Variants in HAUS5 observed in about 807,000 individuals in gnomAD.
The protein encoded by HAUS5 is HAUS augmin like complex subunit 5.
A neutral mutation model predicts 94.1 loss-of-function variants in HAUS5; 67 were observed. The observed-to-expected ratio is 0.71, with a 90% CI of 0.58 to 0.87. The LOEUF (loss-of-function observed/expected upper bound fraction) is 0.87, where lower values mean the gene tolerates loss of function less well. Among genes scored for constraint, HAUS5 ranks in the 40% least tolerant of loss-of-function variants. The pLI is 0.00. For missense variants in HAUS5, 739 were observed against 825.6 expected (o/e 0.90, Z 1.29); for synonymous variants, 339 against 355.4 (o/e 0.95, Z 0.52).
In HAUS5 at chr19:35,620,267, C is replaced by T; in HGVS notation, c.1591C>T (p.Leu531Phe). ...DLLLLQDQRS[L>F]WCWDLLHMKT... is the part of the protein sequence containing the mutation. Reference sequence around the variant, plus strand: ...TCTGCTCCTGCAGGACCAGCGGAGCCTCTGGTGCTGGGATCTACTCCACAT... The same window carrying T: ...TCTGCTCCTGCAGGACCAGCGGAGCTTCTGGTGCTGGGATCTACTCCACAT... Residue 531 changes from leucine to phenylalanine, a missense_variant, in exon 17 of 19, where the codon CTC becomes TTC. Transcript: ENST00000203166. 1 of 1,613,816 alleles carries T rather than the reference C, an allele frequency of 6.2e-7. No homozygotes were observed. Among genetic ancestry groups the T allele is most frequent in the Non-Finnish European group, 8.5e-7 (1 of 1,179,932 alleles).
At chr19:35,614,097 A>G in intron 4 of HAUS5, 38 bp downstream of exon 4, 2 of 1,595,514 alleles carry the variant, frequency 1.3e-6, no homozygotes, top group South Asian at 1.1e-5. Flanking sequence ...TTTCATCCGA[A>G]AAATGACTTG....
In HAUS5 at chr19:35,612,850, G is replaced by A. The variant is rs773390316; in HGVS notation, c.56G>A (p.Gly19Glu). The A allele has an allele frequency of 3.1e-5, 48 of 1,547,732 alleles. No individual in the cohort carries two copies. Among genetic ancestry groups the A allele is most frequent in the Non-Finnish European group, 4.1e-5 (47 of 1,145,756 alleles). ...ELGCWAVEEM[G>E]VPVAARAPES... is the part of the protein sequence containing the mutation. ...GGTTGCTGGGCGGTCGAAGAGATGGGGGTGCCCGTGGCGGCCCGGGCCCCG... is the reference window on the plus strand; with the variant it reads ...GGTTGCTGGGCGGTCGAAGAGATGGAGGTGCCCGTGGCGGCCCGGGCCCCG... The change falls in exon 1 of 19, where the codon GGG becomes GAG. Residue 19 changes from glycine to glutamate, a missense_variant. Gly to Glu is a moderately conservative substitution (Grantham distance 98). Coordinates refer to ENST00000203166, the MANE Select transcript of HAUS5 (RefSeq NM_015302.2).
At position 35,620,209 on chromosome 19, in the gene HAUS5, C is replaced by T. The variant is rs771826162; in HGVS notation, c.1533C>T (p.Leu511=). Residue 511 remains leucine (L), a synonymous_variant, in exon 17 of 19, where the codon CTC becomes CTT. Coordinates refer to ENST00000203166, the MANE Select transcript of HAUS5 (RefSeq NM_015302.2). ...TCCTCCTCCAGGCCTCGGAGCTGCT[C>T]CTGCCGGCGGCTGCCTCTCTTCGCC... ...GLPPGKASEL[L]LPAAASLRQD... is the part of the protein sequence containing the mutation. 8 of 1,613,650 alleles carry T rather than the reference C, an allele frequency of 5.0e-6. No individual in the cohort carries two copies. Among genetic ancestry groups the T allele is most frequent in the Non-Finnish European group, 6.8e-6 (8 of 1,179,878 alleles).
At position 35,619,447 on chromosome 19, in the gene HAUS5, C is replaced by T. The variant is rs201376113; in HGVS notation, c.1203C>T (p.Arg401=). ...AGGAGGAGACCCAGGAACAGGTCCG[C>T]CTGCTCATCAAGGGAAACTCGGCCA... ...QLVEETQEQV[R]LLIKGNSASK... is the part of the protein sequence containing the mutation. The change falls in exon 14 of 19, where the codon CGC becomes CGT. Residue 401 remains arginine, a synonymous_variant. Coordinates refer to ENST00000203166, the MANE Select transcript of HAUS5 (RefSeq NM_015302.2). The T allele has an allele frequency of 1.1e-4, 174 of 1,605,132 alleles. No individual in the cohort carries two copies. Among genetic ancestry groups the T allele is most frequent in the Middle Eastern group, 1.7e-4 (1 of 6,036 alleles).
In HAUS5 at chr19:35,623,108, G is replaced by A. The variant is rs777922073; in HGVS notation, c.*115G>A. The A allele has an allele frequency of 2.4e-5, 17 of 713,332 alleles. No individual in the cohort carries two copies. The highest frequency in any genetic ancestry group is 2.3e-4 in the African/African-American group (13 of 56,512). 44.2% of individuals were successfully genotyped at this position (713,332 alleles called of 1,614,324 possible). A position where few individuals can be genotyped will look rare whatever the true frequency, so the allele number is the denominator to read the frequency against. On this transcript the variant is annotated 3_prime_UTR_variant, in exon 19 of 19. Transcript: ENST00000203166. ...GATTCCTCGGCAGTCGTCCCCACCC[G>A]CACCTGCAGTCCCCTCATGTGCTGT...
At position 35,619,030 on chromosome 19, in the gene HAUS5, T is replaced by C; in HGVS notation, c.1160T>C (p.Leu387Pro). The change falls in exon 13 of 19, where the codon CTG becomes CCG. Residue 387 changes from leucine to proline, a missense_variant. Coordinates refer to ENST00000203166, the MANE Select transcript of HAUS5 (RefSeq NM_015302.2). ...RELQAKQQRILHWRQLVEETQ... is the reference protein window; with the variant it reads ...RELQAKQQRIPHWRQLVEETQ... Reference sequence around the variant, plus strand: ...CTACAGGCCAAACAGCAGCGGATCCTGCACTGGCGCCAGCTGGTGGTGAGA... The same window carrying C: ...CTACAGGCCAAACAGCAGCGGATCCCGCACTGGCGCCAGCTGGTGGTGAGA... 6.3e-7 allele frequency: 1 copy of C among 1,597,852 alleles called. No homozygotes were observed. Among genetic ancestry groups the C allele is most frequent in the Non-Finnish European group, 8.5e-7 (1 of 1,172,976 alleles).
intron 17 of HAUS5, 72 bp from the exon 18 acceptor site, chr19:35,622,529 T>C (rs1967225644): frequency 6.6e-7 from 1 of 1,512,894 alleles, no homozygotes; most frequent in Non-Finnish European, 9.0e-7. Context: ...ACTGGAGAAT[T>C]GGGGACTCAT....
chr19:35,620,942 C>G (rs1457803541), intron 17 of HAUS5, among the ~76,000 whole-genome samples: 3 of 152,158 alleles, frequency 2.0e-5, no homozygotes, highest in Admixed American at 1.3e-4. Context: ...TTTAAGAACC[C>G]CAGTTTACAG....
rs1486984102 is a variant in HAUS5, at chr19:35,615,154, C to T, written c.325+7C>T. Reference sequence around the variant, plus strand: ...CGAGACACTGAGGCTCAGGGTGAGCCATGGGGCCAGAAGATGGGCACCAGA... The same window carrying T: ...CGAGACACTGAGGCTCAGGGTGAGCTATGGGGCCAGAAGATGGGCACCAGA... On this transcript the variant is annotated splice_region_variant and intron_variant, in intron 5 of 18. Coordinates refer to ENST00000203166, the MANE Select transcript of HAUS5 (RefSeq NM_015302.2). 1 of 1,610,808 alleles carries T rather than the reference C, an allele frequency of 6.2e-7. No individual in the cohort carries two copies. Among genetic ancestry groups the T allele is most frequent in the African/African-American group, 1.3e-5 (1 of 75,000 alleles).
Position 35,615,233 on chromosome 19 carries a change from C to T in HAUS5, c.332C>T (p.Ala111Val), listed in dbSNP as rs2071931433. ...MERDTEAQDTAMEQARQHTQD... is the reference protein window; with the variant it reads ...MERDTEAQDTVMEQARQHTQD... ...ACCCCTGTTCCTCCCACAGACACGGCCATGGAGCAGGCACGTCAGCACACT... is the reference window on the plus strand; with the variant it reads ...ACCCCTGTTCCTCCCACAGACACGGTCATGGAGCAGGCACGTCAGCACACT... The change falls in exon 6 of 19, where the codon GCC becomes GTC. Residue 111 changes from alanine (A) to valine (V), a missense_variant. Coordinates refer to ENST00000203166, the MANE Select transcript of HAUS5 (RefSeq NM_015302.2). The T allele has an allele frequency of 1.2e-6, 2 of 1,613,916 alleles. No individual in the cohort carries two copies. The highest frequency in any genetic ancestry group is 1.7e-6 in the Non-Finnish European group (2 of 1,179,922).
At chr19:35,619,789 G>T (rs777182147) in intron 15 of HAUS5, 31 bp downstream of exon 15, 2 of 1,515,988 alleles carry the variant, frequency 1.3e-6, no homozygotes, top group Non-Finnish European at 8.8e-7. Flanking sequence ...CCCCTGCCCT[G>T]CATCCCCTGC....
intron 8 of HAUS5, 68 bp downstream of exon 8, chr19:35,617,437 T>A: frequency 9.7e-7 from 1 of 1,032,832 alleles, no homozygotes; most frequent in Non-Finnish European, 1.5e-6. Context: ...TCTTATTTAT[T>A]AATTCCTCAG....
intron 8 of HAUS5, 130 bp from the exon 9 acceptor site, chr19:35,617,724 GT>G: frequency 1.3e-6 from 1 of 787,570 alleles, no homozygotes; most frequent in Admixed American, 2.0e-5. Context: ...CAGCAGGTTG[GT>G]ATAATTGGGG....
At position 35,620,007 on chromosome 19, in the gene HAUS5, C is replaced by A. The variant is rs190624369; in HGVS notation, c.1407-5C>A. 5.5e-5 allele frequency: 88 copies of A among 1,612,268 alleles called. No individual in the cohort carries two copies. Among genetic ancestry groups the A allele is most frequent in the Non-Finnish European group, 6.9e-5 (81 of 1,178,918 alleles). ...CACCCAACCCAGACTTCTCCCCGCC[C>A]GTAGGTTGAAGCCCCTGCCCACGGT... On this transcript the variant is annotated splice_polypyrimidine_tract_variant and splice_region_variant and intron_variant, in intron 15 of 18. Coordinates refer to ENST00000203166, the MANE Select transcript of HAUS5 (RefSeq NM_015302.2).
chr19:35,619,584 G>GGGCC, intron 14 of HAUS5, 29 bp from the exon 15 acceptor site: 12 of 1,533,830 alleles, frequency 7.8e-6, no homozygotes, highest in Non-Finnish European at 1.1e-5. Flanking sequence ...ATGTTGTGAT[G>GGGCC]CCCCACCCAC....
At position 35,619,434 on chromosome 19, in the gene HAUS5, A is replaced by G. The variant is rs773154048; in HGVS notation, c.1190A>G (p.Gln397Arg). ...ATCCTGGTTCCTCAGGAGGAGACCC[A>G]GGAACAGGTCCGCCTGCTCATCAAG... ...LHWRQLVEETQEQVRLLIKGN... is the reference protein window; with the variant it reads ...LHWRQLVEETREQVRLLIKGN... Residue 397 changes from glutamine (Q) to arginine (R), a missense_variant, in exon 14 of 19, where the codon CAG becomes CGG. Transcript: ENST00000203166. 4 of 1,598,764 alleles carry G rather than the reference A, an allele frequency of 2.5e-6. No individual in the cohort carries two copies. The highest frequency in any genetic ancestry group is 3.4e-6 in the Non-Finnish European group (4 of 1,171,544).
At chr19:35,617,700 A>C (rs572875828) in intron 8 of HAUS5, among the ~76,000 whole-genome samples, 155 bp from the exon 9 acceptor site, 1 of 152,262 alleles carries the variant, frequency 6.6e-6, no homozygotes, top group African/African-American at 2.4e-5. Context: ...CAACCCATGT[A>C]AAGGCCCCAA....
chr19:35,622,239 C>T (rs1967219333), intron 17 of HAUS5, among the ~76,000 whole-genome samples: 1 of 151,872 alleles, frequency 6.6e-6, no homozygotes, highest in Non-Finnish European at 1.5e-5. Context: ...TGAACCAGAG[C>T]AGGAGACTGA....
In HAUS5 at chr19:35,613,854, CCTCT is replaced by C; in HGVS notation, c.162-13_162-10del. 6.2e-7 allele frequency: 1 copy of C among 1,614,064 alleles called. No homozygotes were observed. The highest frequency in any genetic ancestry group is 8.5e-7 in the Non-Finnish European group (1 of 1,179,960). On this transcript the variant is annotated splice_polypyrimidine_tract_variant and intron_variant, in intron 2 of 18. Coordinates refer to ENST00000203166, the MANE Select transcript of HAUS5 (RefSeq NM_015302.2). ...AGGCCCATAGTAACTCCTCTTTCTG[CCTCT>C]GCACTGTAGGACTGTCAAGAAGATC...
Sources: allele counts gnomAD v4.1 joint callset (sites outside exome capture counted in the v4.1 genomes callset), GRCh38; gene constraint gnomAD v4.1.1; transcripts MANE v1.5; gene names NCBI Gene and HGNC (gene_info 2026-07-23, HGNC 2026-07-21).